Variants in OPA3 observed in about 807,000 individuals in gnomAD.
The protein encoded by OPA3 is outer mitochondrial membrane lipid metabolism regulator OPA3.
Under a neutral mutation model 4.0 loss-of-function variants are expected in OPA3, and 6 were observed. The ratio of observed to expected loss-of-function variants is 1.51; its 90% CI spans 0.83 to 2.99. The LOEUF is 2.99. Ranked by LOEUF, OPA3 falls within the 30% of genes most tolerant of loss-of-function variation. The pLI, the probability that OPA3 is intolerant of heterozygous loss-of-function variation, is 0.00. For synonymous variants in OPA3, 105 were observed against 117.1 expected, an observed-to-expected ratio of 0.90 and a Z score of 0.67; for missense variants, 235 against 256.2, an observed-to-expected ratio of 0.92 and a Z score of 0.56.
chr19:45,578,826 CA>C (rs551712538), intron 1 of OPA3, among the ~76,000 whole-genome samples: 78 of 152,060 alleles, frequency 5.1e-4, no homozygotes, highest in African/African-American at 1.9e-3. Flanking sequence ...GACTCTGTCT[CA>C]AAAAATAAAA....
At chr19:45,583,753 C>T (rs574585657) in intron 1 of OPA3, among the ~76,000 whole-genome samples, 144 of 152,238 alleles carry the variant, frequency 9.5e-4, no homozygotes, top group Admixed American at 1.5e-3. Context: ...CCGCCCGCCT[C>T]GGCCTCCCAA....
In OPA3 at chr19:45,553,013, C is replaced by T. The variant is rs897983999; in HGVS notation, c.*501G>A. ...TCCTCCTTAAGAGAGCACTGATGCT[C>T]AGCTAGAGCTGACCTTAGAAGGTGA... On this transcript the variant is annotated 3_prime_UTR_variant, in exon 2 of 2. Transcript: ENST00000263275. 5 of 1,014,754 alleles carry T rather than the reference C, an allele frequency of 4.9e-6. No homozygotes were observed. Among genetic ancestry groups the T allele is most frequent in the African/African-American group, 1.7e-5 (1 of 57,686 alleles). 62.9% of individuals were successfully genotyped at this position (1,014,754 alleles called of 1,614,324 possible). A position where few individuals can be genotyped will look rare whatever the true frequency, so the allele number is the denominator to read the frequency against.
intron 1 of OPA3, among the ~76,000 whole-genome samples, chr19:45,560,539 G>C (rs950350714): frequency 2.6e-5 from 4 of 152,014 alleles, no homozygotes; most frequent in African/African-American, 9.7e-5. Flanking sequence ...GGTGTTATCT[G>C]TCCCCTCGAG....
rs1016234039 is a variant in OPA3, at chr19:45,549,309, C to T, written c.*4205G>A. The stretch of plus-strand genomic sequence containing the variant: ...TTCCACACACTCTGGCCACCCCTGA[C>T]GCCGCAGTGGGGGAAGTAGATGGCC... On this transcript the variant is annotated 3_prime_UTR_variant, in exon 2 of 2. Coordinates refer to ENST00000263275, the MANE Select transcript of OPA3 (RefSeq NM_025136.4). 42 of 985,274 alleles carry T rather than the reference C, an allele frequency of 4.3e-5. No individual in the cohort carries two copies. The highest frequency in any genetic ancestry group is 3.1e-4 in the Admixed American group (5 of 16,234). 61.0% of individuals were successfully genotyped at this position (985,274 alleles called of 1,614,324 possible).
chr19:45,566,471 TTC>T (rs1969584276), intron 1 of OPA3, among the ~76,000 whole-genome samples: 1 of 140,758 alleles, frequency 7.1e-6, no homozygotes, highest in Non-Finnish European at 1.6e-5. Context: ...AGCCTGATTT[TTC>T]TCTTTTTTTT....
chr19:45,531,347 T>C lies in OPA3; in HGVS notation c.143-1891A>G, dbSNP rs1969059597. ...TTATTTCAACTTTGACGTTACTGTA[T>C]GAAGGTTTTAGTTTTTCCTAGAATG... On this transcript the variant is annotated intron_variant, in intron 1 of 1. Transcript: ENST00000323060. Among the ~76,000 whole-genome samples, 3 of 152,330 alleles carry C rather than the reference T, an allele frequency of 2.0e-5. No individual in the cohort carries two copies. In the South Asian group the frequency reaches 6.2e-4, roughly 32 times the overall value.
chr19:45,575,728 T>C (rs1969756809), intron 1 of OPA3, among the ~76,000 whole-genome samples: 1 of 152,170 alleles, frequency 6.6e-6, no homozygotes, highest in South Asian at 2.1e-4. Flanking sequence ...CGCAGCCTCC[T>C]GAGTGGCTAA....
At chr19:45,543,137 G>A (rs919918824), downstream of OPA3, among the ~76,000 whole-genome samples, 5 of 151,106 alleles carry the variant, frequency 3.3e-5, no homozygotes, top group African/African-American at 7.3e-5. Flanking sequence ...AGCCTCCCTC[G>A]TAGCTGGGAC....
rs886054507 is a variant in OPA3, at chr19:45,547,236, C to T, written c.*6278G>A. 6.6e-5 allele frequency: 10 copies of T among 152,272 alleles called. No homozygotes were observed. The highest frequency in any genetic ancestry group is 1.2e-4 in the Non-Finnish European group (8 of 68,106). The allele number at this position is 152,272 out of a possible 1,614,324, so 9.4% of individuals were successfully genotyped here. A position where few individuals can be genotyped will look rare whatever the true frequency, so the allele number is the denominator to read the frequency against. The stretch of plus-strand genomic sequence containing the variant: ...AGCCTTTGCTTGCCTGGCCCCCTCA[C>T]CTAACTTCTCCCCTCGCTTACTCTA... On this transcript the variant is annotated 3_prime_UTR_variant, in exon 2 of 2. Transcript: ENST00000263275.
chr19:45,545,553 A>AAAC (rs891334327), downstream of OPA3, among the ~76,000 whole-genome samples: 4 of 151,528 alleles, frequency 2.6e-5, no homozygotes, highest in Non-Finnish European at 4.4e-5. Flanking sequence ...CAAATGGAAA[A>AAAC]AACAACAACA....
chr19:45,551,626 CT>C lies in OPA3; in HGVS notation c.*1887del, dbSNP rs2122429918. ...CTCCAGAACTGTGTGAATTAAATTC[CT>C]GTTGGACTTAAGCCATCAAGTTCAC... On this transcript the variant is annotated 3_prime_UTR_variant, in exon 2 of 2. Coordinates refer to ENST00000263275, the MANE Select transcript of OPA3 (RefSeq NM_025136.4). The C allele has an allele frequency of 1.2e-6, 1 of 806,556 alleles. No individual in the cohort carries two copies. The highest frequency in any genetic ancestry group is 6.2e-5 in the Admixed American group (1 of 16,004). The allele number at this position is 806,556 out of a possible 1,614,324, so 50.0% of individuals were successfully genotyped here.
rs1279353391 is a variant in OPA3, at chr19:45,547,957, A to G, written c.*5557T>C. On this transcript the variant is annotated 3_prime_UTR_variant, in exon 2 of 2. Coordinates refer to ENST00000263275, the MANE Select transcript of OPA3 (RefSeq NM_025136.4). Reference sequence around the variant, plus strand: ...GGGGATTGGCCCGCCTCGGCCTCCCAAAGTGCTGAGATTACAGGTGTGAGC... The same window carrying G: ...GGGGATTGGCCCGCCTCGGCCTCCCGAAGTGCTGAGATTACAGGTGTGAGC... The G allele has an allele frequency of 7.3e-6, 2 of 272,812 alleles. No individual in the cohort carries two copies. Among genetic ancestry groups the G allele is most frequent in the East Asian group, 1.8e-4 (1 of 5,662 alleles). 16.9% of individuals were successfully genotyped at this position (272,812 alleles called of 1,614,324 possible).
chr19:45,568,648 G>T (rs540289961), intron 1 of OPA3, among the ~76,000 whole-genome samples: 1 of 152,038 alleles, frequency 6.6e-6, no homozygotes, highest in African/African-American at 2.4e-5. Context: ...GTTACCAGAG[G>T]GGCATGACTG....
In OPA3 at chr19:45,553,518, T is replaced by C; in HGVS notation, c.536A>G (p.Lys179Arg). ...CAGGTTCCATCCAGCAAGCTCCTAT[T>C]TCTTGGACGCAGGCACTGCGTGGGA... ...SASHAVPASK[K>R] Residue 179 changes from lysine to arginine, a missense_variant, in exon 2 of 2, where the codon AAA becomes AGA. Physicochemically the swap from Lys to Arg is conservative, Grantham distance 26 (BLOSUM62 2). Coordinates refer to ENST00000263275, the MANE Select transcript of OPA3 (RefSeq NM_025136.4). The C allele has an allele frequency of 6.2e-7, 1 of 1,613,162 alleles. No individual in the cohort carries two copies. The highest frequency in any genetic ancestry group is 8.5e-7 in the Non-Finnish European group (1 of 1,179,986).
chr19:45,555,264 G>A (rs78514357), intron 1 of OPA3, among the ~76,000 whole-genome samples: 5,223 of 152,218 alleles, frequency 0.034, 180 homozygotes, highest in African/African-American at 0.084. Context: ...TGGGTATGTG[G>A]ACTGTAAATA....
rs1445702255 is a variant in OPA3 at position 45,549,715 on chromosome 19, T to C, written c.*3799A>G. On this transcript the variant is annotated 3_prime_UTR_variant, in exon 2 of 2. Transcript: ENST00000263275. ...GGCTGGTCTCGATCTCCTAACATCA[T>C]GTGATCAGTCCACCTTGGCCTCTCA... 72 of 965,998 alleles carry C rather than the reference T, an allele frequency of 7.5e-5. No homozygotes were observed. Among genetic ancestry groups the C allele is most frequent in the Non-Finnish European group, 8.7e-5 (71 of 812,592 alleles). 59.8% of individuals were successfully genotyped at this position (965,998 alleles called of 1,614,324 possible). A position where few individuals can be genotyped will look rare whatever the true frequency, so the allele number is the denominator to read the frequency against.
exon 2 of OPA3, chr19:45,528,162 TA>T (rs1388644927): frequency 1.3e-5 from 2 of 152,420 alleles, no homozygotes; most frequent in African/African-American, 4.8e-5. Flanking sequence ...ACAGTAGCAG[TA>T]GGTCCAGGAC....
chr19:45,561,660 T>C (rs1457576732), intron 1 of OPA3, among the ~76,000 whole-genome samples: 2 of 151,978 alleles, frequency 1.3e-5, no homozygotes, highest in African/African-American at 2.4e-5. Flanking sequence ...TACAAGGAAG[T>C]TGGCTGATAA....
intron 1 of OPA3, among the ~76,000 whole-genome samples, chr19:45,533,459 G>A (rs1969081935): frequency 6.6e-6 from 1 of 152,248 alleles, no homozygotes; most frequent in Non-Finnish European, 1.5e-5. Context: ...CTCCCAGAGT[G>A]CTGGGATTAC....
Sources: gnomAD v4.1 joint callset for allele counts (sites outside exome capture counted in the v4.1 genomes callset) on GRCh38, gnomAD v4.1.1 for gene constraint, MANE v1.5 for transcripts, NCBI Gene and HGNC (gene_info 2026-07-23, HGNC 2026-07-21) for gene names.